The following TTC7A variants were observed in gnomAD, a reference collection of about 807,000 sequenced individuals.
TTC7A encodes the protein tetratricopeptide repeat protein 7A.
TTC7A carries 110 observed loss-of-function variants against 103.7 expected under a neutral mutation model. The ratio of observed to expected loss-of-function variants is 1.06; its 90% CI spans 0.91 to 1.24. The LOEUF is 1.24. Among genes scored for constraint, TTC7A ranks in the 50% most tolerant of loss-of-function variants. The pLI, the probability that TTC7A is intolerant of heterozygous loss-of-function variation, is 0.00. For missense variants in TTC7A, 1,340 were observed against 1,116.3 expected (o/e 1.20, Z -2.86); for synonymous variants, 521 against 467.9 (o/e 1.11, Z -1.47).
intron 16 of TTC7A, 100 bp downstream of exon 16, chr2:47,046,531 G>GT: frequency 4.5e-6 from 4 of 879,436 alleles, no homozygotes; most frequent in Non-Finnish European, 7.5e-6. Context: ...GGGGAGGAGA[G>GT]TGAGGCTTTT....
intron 10 of TTC7A, among the ~76,000 whole-genome samples, chr2:47,008,760 C>T (rs998336170): frequency 4.6e-5 from 7 of 152,154 alleles, no homozygotes; most frequent in Admixed American, 1.3e-4. Context: ...TGTGATTATG[C>T]CCGAAAGGCC....
At chr2:47,052,528 G>T (rs1421209928) in intron 18 of TTC7A, among the ~76,000 whole-genome samples, 1 of 152,214 alleles carries the variant, frequency 6.6e-6, no homozygotes, top group African/African-American at 2.4e-5. Context: ...TCATGGTGGA[G>T]GAAGAGGCAG....
rs539249348 is a variant in TTC7A at position 46,986,787 on chromosome 2, G to A, written c.765-6663G>A. 3.3e-5 allele frequency among the ~76,000 whole-genome samples: 5 copies of A among 152,294 alleles called. No homozygotes were observed. The South Asian group carries it at 6.2e-4, about 19-fold the overall frequency. ...CAGGCAGTGCCCGCCCCCAGAGTCC[G>A]GCTCGTCCCTCCCATTGAGGACTTG... On this transcript the variant is annotated intron_variant, in intron 5 of 19. Coordinates refer to ENST00000319190, the MANE Select transcript of TTC7A (RefSeq NM_020458.4).
intron 2 of TTC7A, among the ~76,000 whole-genome samples, chr2:46,934,375 C>T (rs1669859399): frequency 6.6e-6 from 1 of 152,190 alleles, no homozygotes; most frequent in African/African-American, 2.4e-5. Flanking sequence ...GCTTGTGCAT[C>T]AGCCACCTGA....
chr2:47,032,600 C>T (rs529749119), intron 15 of TTC7A, among the ~76,000 whole-genome samples: 6 of 152,008 alleles, frequency 3.9e-5, no homozygotes, highest in South Asian at 4.2e-4. Flanking sequence ...GAGTGTGCTG[C>T]GAAGCATTTG....
chr2:47,039,136 G>A (rs1219590203), intron 15 of TTC7A, among the ~76,000 whole-genome samples: 3 of 152,160 alleles, frequency 2.0e-5, no homozygotes, highest in Non-Finnish European at 2.9e-5. Context: ...ACCATCAGAG[G>A]TGAAGGCACT....
chr2:47,004,694 G>A (rs1009797306), intron 8 of TTC7A, among the ~76,000 whole-genome samples: 2 of 151,810 alleles, frequency 1.3e-5, no homozygotes, highest in Non-Finnish European at 2.9e-5. Flanking sequence ...GATGCTGGGG[G>A]CGGCCCCCAG....
chr2:46,980,799 T>A (rs1572800808), intron 5 of TTC7A, among the ~76,000 whole-genome samples: 2 of 152,250 alleles, frequency 1.3e-5, no homozygotes, highest in East Asian at 3.9e-4. Flanking sequence ...TGGCTACAAA[T>A]CAGGTTCCCA....
chr2:47,022,409 C>T (rs1572937278), intron 12 of TTC7A, among the ~76,000 whole-genome samples: 2 of 152,296 alleles, frequency 1.3e-5, no homozygotes, highest in Non-Finnish European at 2.9e-5. Flanking sequence ...TTTTAAATCC[C>T]CCTCAATACG....
chr2:46,926,226 GTGCTAGATGGTCGGGGAGACATA>G (rs1220483933), intron 2 of TTC7A, among the ~76,000 whole-genome samples: 1 of 152,228 alleles, frequency 6.6e-6, no homozygotes, highest in African/African-American at 2.4e-5. Context: ...GAGTGGAGCA[GTGCTAGATGGTCGGGGAGACATA>G]TTTAGTTAAT....
At chr2:47,051,238 C>T (rs1682830027) in intron 17 of TTC7A, among the ~76,000 whole-genome samples, 1 of 152,204 alleles carries the variant, frequency 6.6e-6, no homozygotes, top group Admixed American at 6.5e-5. Context: ...AATGGCCTTT[C>T]AGACTTTTTT....
intron 11 of TTC7A, among the ~76,000 whole-genome samples, chr2:47,016,134 C>T (rs563460651): frequency 6.6e-6 from 1 of 152,150 alleles, no homozygotes; most frequent in Admixed American, 6.5e-5. Flanking sequence ...GAGCAAGAAG[C>T]CAGTCTGTGT....
At chr2:47,064,186 C>G (rs1470578416) in intron 19 of TTC7A, among the ~76,000 whole-genome samples, 2 of 152,220 alleles carry the variant, frequency 1.3e-5, no homozygotes, top group Admixed American at 1.3e-4. Context: ...CCAAGTTTGT[C>G]CATCAGGCTC....
At chr2:46,954,410 C>T (rs1671665095) in intron 2 of TTC7A, among the ~76,000 whole-genome samples, 1 of 152,046 alleles carries the variant, frequency 6.6e-6, no homozygotes, top group Non-Finnish European at 1.5e-5. Context: ...GCATGGGCCC[C>T]ACAGAGTGCA....
chr2:46,919,050 C>A (rs929647559), intron 2 of TTC7A, among the ~76,000 whole-genome samples: 7 of 152,168 alleles, frequency 4.6e-5, no homozygotes, highest in Non-Finnish European at 1.0e-4. Flanking sequence ...CTCTAGGTGG[C>A]ATCTCTTTCC....
At chr2:46,973,443 G>A (rs1055408080) in intron 3 of TTC7A, among the ~76,000 whole-genome samples, 3 of 152,208 alleles carry the variant, frequency 2.0e-5, no homozygotes, top group Non-Finnish European at 4.4e-5. Context: ...TCCCCCGTCA[G>A]GGAGGGCCTC....
chr2:47,064,749 C>A (rs1684053013), intron 19 of TTC7A, among the ~76,000 whole-genome samples: 1 of 152,190 alleles, frequency 6.6e-6, no homozygotes, highest in Non-Finnish European at 1.5e-5. Flanking sequence ...GTCACCTGAC[C>A]TTCATGGTGG....
intron 18 of TTC7A, among the ~76,000 whole-genome samples, chr2:47,055,116 C>T (rs538311663): frequency 1.3e-5 from 2 of 152,252 alleles, no homozygotes; most frequent in African/African-American, 4.8e-5. Context: ...GCCTCCCCCA[C>T]CTGACCCAGG....
intron 5 of TTC7A, among the ~76,000 whole-genome samples, chr2:46,992,583 G>A (rs1054004467): frequency 2.6e-5 from 4 of 152,262 alleles, no homozygotes; most frequent in East Asian, 1.9e-4. Context: ...AGGAAGCTAC[G>A]CTGAGGGCTT....
Sources: allele counts gnomAD v4.1 joint callset (sites outside exome capture counted in the v4.1 genomes callset), GRCh38; gene constraint gnomAD v4.1.1; transcripts MANE v1.5; gene names NCBI Gene and HGNC (gene_info 2026-07-23, HGNC 2026-07-21).